The following ARHGAP5 variants were observed in gnomAD, a reference collection of about 807,000 sequenced individuals.
ARHGAP5 encodes the protein Rho GTPase activating protein 5, also known as rho GTPase-activating protein 5.
A neutral mutation model predicts 116.6 loss-of-function variants in ARHGAP5; 23 were observed. The ratio of observed to expected loss-of-function variants is 0.20; its 90% CI spans 0.14 to 0.28. ARHGAP5 has a LOEUF of 0.28. ARHGAP5 is among the 10% of genes least tolerant of loss of function. The pLI is 1.00. For synonymous variants in ARHGAP5, 574 were observed against 602.0 expected, an observed-to-expected ratio of 0.95 and a Z score of 0.68; for missense variants, 1,405 against 1,774.8, an observed-to-expected ratio of 0.79 and a Z score of 3.74.
intron 3 of ARHGAP5, among the ~76,000 whole-genome samples, chr14:32,138,986 T>C (rs1880956404): frequency 1.3e-5 from 2 of 152,002 alleles, no homozygotes; most frequent in Admixed American, 1.3e-4. Context: ...CCTGCTGATT[T>C]ATTCTATTAA....
intron 1 of ARHGAP5, among the ~76,000 whole-genome samples, chr14:32,080,210 T>A (rs1373056484): frequency 6.6e-6 from 1 of 151,922 alleles, no homozygotes; most frequent in Non-Finnish European, 1.5e-5. Flanking sequence ...TTTTCCTAGA[T>A]GCCTTGAGAC....
intron 3 of ARHGAP5, among the ~76,000 whole-genome samples, chr14:32,139,789 C>A (rs1309315877): frequency 6.6e-6 from 1 of 150,596 alleles, no homozygotes. Flanking sequence ...AAGTTGGAAT[C>A]TTTTTAAATC....
At chr14:32,106,118 C>T (rs1879005189) in intron 2 of ARHGAP5, among the ~76,000 whole-genome samples, 1 of 152,034 alleles carries the variant, frequency 6.6e-6, no homozygotes, top group Non-Finnish European at 1.5e-5. Context: ...AATGGGTATA[C>T]TATTTTATTT....
In ARHGAP5 at chr14:32,093,079, T is replaced by G; in HGVS notation, c.2410T>G (p.Ser804Ala). 3 of 1,613,992 alleles carry G rather than the reference T, an allele frequency of 1.9e-6. No individual in the cohort carries two copies. Among genetic ancestry groups the G allele is most frequent in the Non-Finnish European group, 2.5e-6 (3 of 1,179,948 alleles). Reference protein sequence around the residue: ...LILSPFLDSHSCSAAQAGQNN... With the variant: ...LILSPFLDSHACSAAQAGQNN... ...TCTTTCACCCTTCCTTGATTCTCAT[T>G]CTTGCAGTGCTGCTCAAGCTGGACA... Residue 804 changes from serine (S) to alanine (A), a missense_variant, in exon 2 of 7, where the codon TCT becomes GCT. Around this residue, in one of 6 missense-constraint regions of ARHGAP5, gnomAD observed 944 missense variants for 1,095.3 expected, o/e 0.86. Transcript: ENST00000345122.
At chr14:32,133,871 A>G (rs1880642138) in intron 3 of ARHGAP5, among the ~76,000 whole-genome samples, 1 of 152,130 alleles carries the variant, frequency 6.6e-6, no homozygotes, top group Non-Finnish European at 1.5e-5. Context: ...TTCTGTTTAT[A>G]TGTTGGATTA....
chr14:32,100,538 A>C (rs1878745115), intron 2 of ARHGAP5, among the ~76,000 whole-genome samples: 1 of 152,206 alleles, frequency 6.6e-6, no homozygotes, highest in Non-Finnish European at 1.5e-5. Context: ...AACTGTTTAC[A>C]CAGCATTTAC....
chr14:32,116,210 C>G (rs1485877448), intron 2 of ARHGAP5, among the ~76,000 whole-genome samples: 1 of 150,492 alleles, frequency 6.6e-6, no homozygotes, highest in Non-Finnish European at 1.5e-5. Context: ...TGACGTGAAC[C>G]TGGGAGGCGG....
intron 6 of ARHGAP5, among the ~76,000 whole-genome samples, chr14:32,153,009 A>G (rs950843516): frequency 2.0e-5 from 3 of 149,450 alleles, no homozygotes; most frequent in African/African-American, 4.9e-5. Context: ...TCTCCTCATA[A>G]TATTTTCTAC....
intron 3 of ARHGAP5, among the ~76,000 whole-genome samples, chr14:32,137,689 C>T (rs187044075): frequency 7.8e-4 from 119 of 152,018 alleles, no homozygotes; most frequent in Middle Eastern, 3.4e-3. Context: ...TTTAGCCTTC[C>T]GGGCCAGGTG....
At chr14:32,116,350 G>T (rs1217282149) in intron 2 of ARHGAP5, among the ~76,000 whole-genome samples, 2 of 151,872 alleles carry the variant, frequency 1.3e-5, no homozygotes, top group Non-Finnish European at 2.9e-5. Context: ...CAGCACTTTG[G>T]GAGGCCGAGG....
intron 1 of ARHGAP5, among the ~76,000 whole-genome samples, chr14:32,090,254 T>C (rs1878176992): frequency 6.6e-6 from 1 of 151,912 alleles, no homozygotes; most frequent in African/African-American, 2.4e-5. Flanking sequence ...GCACATTTGG[T>C]TTAATAGAGG....
chr14:32,134,201 A>G (rs1268933248), intron 3 of ARHGAP5, among the ~76,000 whole-genome samples: 1 of 152,124 alleles, frequency 6.6e-6, no homozygotes, highest in Non-Finnish European at 1.5e-5. Flanking sequence ...GTATGTTTTC[A>G]TGTCATGAAT....
chr14:32,135,172 G>A (rs916723145), intron 3 of ARHGAP5, among the ~76,000 whole-genome samples: 3 of 152,152 alleles, frequency 2.0e-5, no homozygotes, highest in African/African-American at 7.2e-5. Flanking sequence ...AGTATTGAGT[G>A]CCTAGAAAGA....
chr14:32,085,570 ATTC>A (rs1438623464), intron 1 of ARHGAP5, among the ~76,000 whole-genome samples: 3 of 152,134 alleles, frequency 2.0e-5, no homozygotes, highest in Non-Finnish European at 4.4e-5. Flanking sequence ...TTGTTTTTTT[ATTC>A]TTCAGCTGCT....
chr14:32,084,456 A>C (rs988986514), intron 1 of ARHGAP5, among the ~76,000 whole-genome samples: 1 of 152,138 alleles, frequency 6.6e-6, no homozygotes, highest in African/African-American at 2.4e-5. Flanking sequence ...AATTTTTGTT[A>C]ATTGTGTTTA....
intron 6 of ARHGAP5, among the ~76,000 whole-genome samples, chr14:32,153,849 T>C (rs1881768729): frequency 6.6e-6 from 1 of 150,662 alleles, no homozygotes; most frequent in South Asian, 2.1e-4. Flanking sequence ...GGCCAGGAGT[T>C]TGAGACCAGT....
chr14:32,113,169 GGA>G (rs1211991638), intron 2 of ARHGAP5, among the ~76,000 whole-genome samples: 21 of 152,154 alleles, frequency 1.4e-4, no homozygotes, highest in African/African-American at 5.1e-4. Context: ...AGAATTTTGT[GGA>G]GAGTTTTTCA....
intron 1 of ARHGAP5, among the ~76,000 whole-genome samples, chr14:32,082,871 C>A (rs921895309): frequency 6.6e-6 from 1 of 152,190 alleles, no homozygotes; most frequent in Non-Finnish European, 1.5e-5. Context: ...TGATAGTTCA[C>A]GTGCATTTAG....
chr14:32,109,464 T>C (rs1481885176), intron 2 of ARHGAP5, among the ~76,000 whole-genome samples: 1 of 152,130 alleles, frequency 6.6e-6, no homozygotes, highest in Non-Finnish European at 1.5e-5. Context: ...TCTCATTCGC[T>C]CGTCTCCCTT....
Sources: gnomAD v4.1 joint callset for allele counts (sites outside exome capture counted in the v4.1 genomes callset) on GRCh38, gnomAD v4.1.1 for gene constraint, gnomAD v4.1.1 regional missense constraint, MANE v1.5 for transcripts, NCBI Gene and HGNC (gene_info 2026-07-23, HGNC 2026-07-21) for gene names.